The following ATP11A variants were observed in gnomAD, a reference collection of about 807,000 sequenced individuals.
The protein encoded by ATP11A is phospholipid-transporting ATPase IH.
Under a neutral mutation model 154.4 loss-of-function variants are expected in ATP11A, and 81 were observed. The ratio of observed to expected loss-of-function variants is 0.52; its 90% CI spans 0.44 to 0.63. The LOEUF (loss-of-function observed/expected upper bound fraction) is 0.63, where lower values mean the gene tolerates loss of function less well. Among genes scored for constraint, ATP11A ranks in the 30% least tolerant of loss-of-function variants. ATP11A has a pLI of 0.00. For missense variants in ATP11A, 1,316 were observed against 1,474.3 expected (o/e 0.89, Z 1.76); for synonymous variants, 623 against 585.9 (o/e 1.06, Z -0.91).
chr13:112,851,481 CAT>C (rs199816739), intron 18 of ATP11A: 4,304 of 372,376 alleles, frequency 0.012, 127 homozygotes, highest in African/African-American at 0.067. Flanking sequence ...TTTGTCATAT[CAT>C]ATTATGAACA....
rs967638951 is a variant in ATP11A, at chr13:112,882,409, G to A, written c.*543G>A. ...ACATGCTGCTGTTTCCTGCTTGCCC[G>A]GCCACCACCCATGCCCTCCATAGGG... is the stretch of plus-strand genomic sequence containing the variant. On this transcript the variant is annotated 3_prime_UTR_variant, in exon 30 of 30. Coordinates refer to ENST00000375645, the MANE Select transcript of ATP11A (RefSeq NM_015205.3). The surrounding 1 kb of genome is among the most constrained non-coding windows in gnomAD (Gnocchi z 5.1). 4.1e-5 allele frequency: 17 copies of A among 413,846 alleles called. No homozygotes were observed. Among genetic ancestry groups the A allele is most frequent in the South Asian group, 1.6e-4 (6 of 36,458 alleles). 25.6% of individuals were successfully genotyped at this position (413,846 alleles called of 1,614,324 possible). A position where few individuals can be genotyped will look rare whatever the true frequency, so the allele number is the denominator to read the frequency against.
intron 1 of ATP11A, among the ~76,000 whole-genome samples, chr13:112,735,811 C>T (rs73576494): frequency 0.011 from 1,705 of 152,312 alleles, 36 homozygotes; most frequent in African/African-American, 0.039. Flanking sequence ...AGTTAAGCAG[C>T]GCACCAAACC....
chr13:112,775,327 C>T lies in ATP11A; in HGVS notation c.40-9808C>T, dbSNP rs532380315. On this transcript the variant is annotated intron_variant, in intron 1 of 29. Coordinates refer to ENST00000375645, the MANE Select transcript of ATP11A (RefSeq NM_015205.3). ...TCGTTATCCGACTCTGCCTTAGCCC[C>T]GTCCTCTTCCTTCCTACCACACAGC... Among the ~76,000 whole-genome samples, 13 of 152,358 alleles carry T rather than the reference C, an allele frequency of 8.5e-5. No homozygotes were observed. The South Asian group carries it at 1.7e-3, about 19-fold the overall frequency.
chr13:112,826,059 A>C (rs1186682091), intron 11 of ATP11A, among the ~76,000 whole-genome samples: 1 of 150,850 alleles, frequency 6.6e-6, no homozygotes, highest in Non-Finnish European at 1.5e-5. Flanking sequence ...CCAGACCCAT[A>C]TCCACTGAGC....
In ATP11A at chr13:112,856,090, T is replaced by A. The variant is rs2079915141; in HGVS notation, c.2418+5T>A. 6.2e-7 allele frequency: 1 copy of A among 1,609,110 alleles called. No individual in the cohort carries two copies. ...GCGCCCTTGCAGAAGGCTCAGGTGC[T>A]GCCCGCCCGTCCTCGATAGCTGGTG... is the stretch of plus-strand genomic sequence containing the variant. On this transcript the variant is annotated splice_donor_5th_base_variant and intron_variant, in intron 20 of 29. Coordinates refer to ENST00000375645, the MANE Select transcript of ATP11A (RefSeq NM_015205.3).
Position 112,746,136 on chromosome 13 carries a change from G to GTGATCGTGAGTGCTGCGGCAC in ATP11A, c.40-38991_40-38990insAGTGCTGCGGCACTGATCGTG, listed in dbSNP as rs547235670. 2 of 152,242 alleles carry GTGATCGTGAGTGCTGCGGCAC rather than the reference G, an allele frequency of 1.3e-5. No individual in the cohort carries two copies. The highest frequency in any genetic ancestry group is 4.8e-5 in the African/African-American group (2 of 41,422). The allele number at this position is 152,242 out of a possible 1,614,324, so 9.4% of individuals were successfully genotyped here. A position where few individuals can be genotyped will look rare whatever the true frequency, so the allele number is the denominator to read the frequency against. On this transcript the variant is annotated intron_variant, in intron 1 of 29. Transcript: ENST00000375645. This position sits in a 1 kb window ranked among gnomAD's most constrained non-coding sequence, Gnocchi z 4.1. ...TAGGCCGCTGTGAATGCTGGCGGCG[G>GTGATCGTGAGTGCTGCGGCAC]TGATCGTGTGCTGACGTCTCCTCCA...
chr13:112,690,600 G>A lies in ATP11A; in HGVS notation c.39+145G>A. 1 of 741,300 alleles carries A rather than the reference G, an allele frequency of 1.3e-6. No homozygotes were observed. The allele number at this position is 741,300 out of a possible 1,614,324, so 45.9% of individuals were successfully genotyped here. A position where few individuals can be genotyped will look rare whatever the true frequency, so the allele number is the denominator to read the frequency against. On this transcript the variant is annotated intron_variant, in intron 1 of 29. Transcript: ENST00000375645. The surrounding 1 kb of genome is among the most constrained non-coding windows in gnomAD (Gnocchi z 5.6). ...ACTCGGACCGCCCCCGGGGACGAGC[G>A]GGATGCTGGGGAGGGGCCTCGGAGT...
At chr13:112,873,526 C>G (rs779489107) in intron 26 of ATP11A, 47 bp from the exon 27 acceptor site, 1 of 1,430,862 alleles carries the variant, frequency 7.0e-7, no homozygotes, top group Non-Finnish European at 9.5e-7. Flanking sequence ...CGATCATTCT[C>G]ACTGCTCAGA....
intron 8 of ATP11A, among the ~76,000 whole-genome samples, chr13:112,820,865 A>G (rs984135222): frequency 3.3e-5 from 5 of 152,246 alleles, no homozygotes; most frequent in Admixed American, 3.3e-4. Context: ...TCCCAGACAC[A>G]GAAACACACT....
At chr13:112,842,611 C>T (rs2079454396) in intron 17 of ATP11A, among the ~76,000 whole-genome samples, 2 of 152,376 alleles carry the variant, frequency 1.3e-5, no homozygotes, top group South Asian at 2.1e-4. Flanking sequence ...AGGCCATCTC[C>T]TCCCCAGCCT....
At chr13:112,725,904 C>T (rs894589277) in intron 1 of ATP11A, among the ~76,000 whole-genome samples, 4 of 152,238 alleles carry the variant, frequency 2.6e-5, no homozygotes, top group Admixed American at 1.3e-4. Flanking sequence ...GCTGAGGTGA[C>T]GAGGGTGCCC....
chr13:112,713,417 G>A (rs1176162112), intron 1 of ATP11A, among the ~76,000 whole-genome samples: 2 of 152,066 alleles, frequency 1.3e-5, no homozygotes, highest in African/African-American at 4.8e-5. Context: ...ATAAAAACAT[G>A]GAGTTCACAA....
intron 8 of ATP11A, among the ~76,000 whole-genome samples, chr13:112,822,323 C>G (rs1050979814): frequency 1.3e-5 from 2 of 152,218 alleles, no homozygotes; most frequent in Non-Finnish European, 2.9e-5. Flanking sequence ...CCCCTGATGG[C>G]AGAGACCCTG....
intron 1 of ATP11A, among the ~76,000 whole-genome samples, chr13:112,773,820 C>T (rs887873710): frequency 2.0e-5 from 3 of 152,246 alleles, no homozygotes; most frequent in Admixed American, 1.3e-4. Context: ...TGACGCGCAT[C>T]ACGGGGTGTG....
In ATP11A at chr13:112,712,462, G is replaced by A. The variant is rs1887870857; in HGVS notation, c.39+22007G>A. ...ATCCAAGCTCACTGGGCCCCACAGT[G>A]TGGCTGATAGTGAGGGTCTGGGGGT... On this transcript the variant is annotated intron_variant, in intron 1 of 29. Transcript: ENST00000375645. Among the ~76,000 whole-genome samples, 3 of 152,220 alleles carry A rather than the reference G, an allele frequency of 2.0e-5. No individual in the cohort carries two copies. In the South Asian group the frequency reaches 6.2e-4, roughly 31 times the overall value.
intron 1 of ATP11A, among the ~76,000 whole-genome samples, chr13:112,724,473 C>G (rs919659111): frequency 2.1e-5 from 3 of 145,552 alleles, no homozygotes; most frequent in Non-Finnish European, 4.4e-5. Context: ...GCCCCCTGTC[C>G]CCGTGGAGCT....
At position 112,866,377 on chromosome 13, in the gene ATP11A, C is replaced by T. The variant is rs191834961; in HGVS notation, c.2991+3802C>T. On this transcript the variant is annotated intron_variant, in intron 25 of 29. Transcript: ENST00000375645. ...GACGCACATCCTTGCTGTGTTCCCTCGGTTGCCATGTCAGGGTGGCCCATT... is the reference window on the plus strand; with the variant it reads ...GACGCACATCCTTGCTGTGTTCCCTTGGTTGCCATGTCAGGGTGGCCCATT... 2.6e-3 allele frequency among the ~76,000 whole-genome samples: 403 copies of T among 152,196 alleles called. 1 individual carries two copies. Among genetic ancestry groups the T allele is most frequent in the Non-Finnish European group, 4.4e-3 (298 of 68,014 alleles).
intron 1 of ATP11A, among the ~76,000 whole-genome samples, chr13:112,716,407 C>T (rs1888466237): frequency 6.6e-6 from 1 of 152,002 alleles, no homozygotes; most frequent in South Asian, 2.1e-4. Flanking sequence ...TCACGTGGCC[C>T]AGACACTCAG....
intron 18 of ATP11A, 106 bp downstream of exon 18, chr13:112,851,324 C>G (rs113458632): frequency 8.9e-7 from 1 of 1,120,038 alleles, no homozygotes; most frequent in African/African-American, 1.6e-5. Flanking sequence ...TCCGCACAGC[C>G]GACGGGGCGT....
Sources: allele counts gnomAD v4.1 joint callset (sites outside exome capture counted in the v4.1 genomes callset), GRCh38; gene constraint gnomAD v4.1.1; non-coding constraint Gnocchi (gnomAD v3.1); transcripts MANE v1.5; gene names NCBI Gene and HGNC (gene_info 2026-07-23, HGNC 2026-07-21).